Variants in SLC44A5 observed in about 807,000 individuals in gnomAD.
The protein encoded by SLC44A5 is choline transporter-like protein 5.
In SLC44A5, 57 loss-of-function variants were observed where a neutral mutation model predicts 101.8. The ratio of observed to expected loss-of-function variants is 0.56; its 90% CI spans 0.45 to 0.70. The LOEUF (loss-of-function observed/expected upper bound fraction) is 0.70, where lower values mean the gene tolerates loss of function less well. Among genes scored for constraint, SLC44A5 ranks in the 30% least tolerant of loss-of-function variants. SLC44A5 has a pLI of 0.00. For synonymous variants in SLC44A5, 281 were observed against 290.9 expected, an observed-to-expected ratio of 0.97 and a Z score of 0.35; for missense variants, 737 against 853.1, an observed-to-expected ratio of 0.86 and a Z score of 1.70.
intron 2 of SLC44A5, among the ~76,000 whole-genome samples, chr1:75,515,824 A>T (rs959578375): frequency 1.3e-5 from 2 of 152,176 alleles, no homozygotes; most frequent in Admixed American, 6.5e-5. Flanking sequence ...TAGCTTGCTG[A>T]AGAACCTCTA....
chr1:75,344,504 G>T (rs935770549), intron 3 of SLC44A5, among the ~76,000 whole-genome samples: 16 of 152,136 alleles, frequency 1.1e-4, no homozygotes, highest in African/African-American at 3.6e-4. Flanking sequence ...AGATTAGCCT[G>T]GTTTATCTGG....
chr1:75,465,086 A>G (rs921075866), intron 2 of SLC44A5, among the ~76,000 whole-genome samples: 3 of 152,160 alleles, frequency 2.0e-5, no homozygotes, highest in Non-Finnish European at 4.4e-5. Context: ...CAGAATACAC[A>G]TTTTTTGTTC....
chr1:75,318,098 T>C (rs1655834184), intron 4 of SLC44A5, among the ~76,000 whole-genome samples: 1 of 152,132 alleles, frequency 6.6e-6, no homozygotes, highest in Non-Finnish European at 1.5e-5. Context: ...TCTATAGGGC[T>C]GAGCTCAGTG....
chr1:75,464,221 C>CAAAAAAAAAA (rs57630961), intron 2 of SLC44A5, among the ~76,000 whole-genome samples: 3 of 52,230 alleles, frequency 5.7e-5, no homozygotes, highest in South Asian at 7.5e-4. Context: ...GACTCTGTCT[C>CAAAAAAAAAA]AAAAAAAAAA....
chr1:75,634,133 T>A, the SLC44A5 span, among the ~76,000 whole-genome samples: 2 of 152,214 alleles, frequency 1.3e-5, no homozygotes, highest in Non-Finnish European at 2.9e-5. Flanking sequence ...CAGTATTTTA[T>A]GGAGTATTTT....
At chr1:75,308,325 G>A (rs559296814) in intron 4 of SLC44A5, among the ~76,000 whole-genome samples, 1 of 151,830 alleles carries the variant, frequency 6.6e-6, no homozygotes, top group Non-Finnish European at 1.5e-5. Context: ...GGTTTCCATT[G>A]CCTTGAGAGA....
chr1:75,600,777 G>C (rs143917585), intron 1 of SLC44A5, among the ~76,000 whole-genome samples: 1 of 152,192 alleles, frequency 6.6e-6, no homozygotes, highest in African/African-American at 2.4e-5. Flanking sequence ...ATATAGCCTA[G>C]GAGTGGAGCA....
intron 4 of SLC44A5, among the ~76,000 whole-genome samples, chr1:75,326,894 G>A (rs1275424664): frequency 1.3e-5 from 2 of 152,106 alleles, no homozygotes; most frequent in Non-Finnish European, 2.9e-5. Flanking sequence ...TCCACCTATT[G>A]TAAGGGATAA....
chr1:75,687,076 C>G, the SLC44A5 span, among the ~76,000 whole-genome samples: 5 of 152,152 alleles, frequency 3.3e-5, no homozygotes, highest in Non-Finnish European at 7.4e-5. Context: ...TTTGAAAGAG[C>G]TACATAAGCT....
At chr1:75,683,396 C>G in the SLC44A5 span, among the ~76,000 whole-genome samples, 40 of 151,988 alleles carry the variant, frequency 2.6e-4, no homozygotes, top group Non-Finnish European at 4.4e-4. Context: ...GAAAATGTGG[C>G]ACATATACAC....
the SLC44A5 span, among the ~76,000 whole-genome samples, chr1:75,648,439 AAACTGGAAGT>A: frequency 6.6e-6 from 1 of 152,222 alleles, no homozygotes; most frequent in South Asian, 2.1e-4. Context: ...TAATGATAAT[AAACTGGAAGT>A]AACTTAGCAA....
At chr1:75,390,158 A>G (rs983543638) in intron 3 of SLC44A5, among the ~76,000 whole-genome samples, 5 of 152,134 alleles carry the variant, frequency 3.3e-5, no homozygotes, top group Admixed American at 6.5e-5. Context: ...AAATAGAGCC[A>G]GTAACAAAAA....
chr1:75,647,208 T>C, the SLC44A5 span, among the ~76,000 whole-genome samples: 1 of 152,224 alleles, frequency 6.6e-6, no homozygotes, highest in Non-Finnish European at 1.5e-5. Flanking sequence ...GCCCAGGCCA[T>C]TGCTTCAGAA....
At chr1:75,208,306 C>T (rs1019956030) in intron 23 of SLC44A5, among the ~76,000 whole-genome samples, 3 of 152,048 alleles carry the variant, frequency 2.0e-5, no homozygotes, top group East Asian at 1.9e-4. Context: ...TTATAGGTAC[C>T]TGCCACCATG....
chr1:75,634,230 C>G, the SLC44A5 span, among the ~76,000 whole-genome samples: 1 of 152,118 alleles, frequency 6.6e-6, no homozygotes, highest in Non-Finnish European at 1.5e-5. Context: ...ATGATGCTGG[C>G]CTCCTCAAAT....
At chr1:75,383,724 C>T (rs562631336) in intron 3 of SLC44A5, among the ~76,000 whole-genome samples, 250 of 152,134 alleles carry the variant, frequency 1.6e-3, no homozygotes, top group African/African-American at 5.6e-3. Context: ...AGATACTCCT[C>T]GAGAACAGCA....
chr1:75,221,863 G>A (rs1404830581), intron 14 of SLC44A5, among the ~76,000 whole-genome samples: 2 of 152,042 alleles, frequency 1.3e-5, no homozygotes, highest in Non-Finnish European at 2.9e-5. Context: ...GGATATTAAA[G>A]GACTTGTTAG....
intron 3 of SLC44A5, among the ~76,000 whole-genome samples, chr1:75,345,422 A>G (rs886779234): frequency 6.6e-6 from 1 of 152,156 alleles, no homozygotes; most frequent in African/African-American, 2.4e-5. Flanking sequence ...AATGGAGGGA[A>G]AAAAAGTTGG....
chr1:75,645,679 G>GT, the SLC44A5 span, among the ~76,000 whole-genome samples: 1 of 147,808 alleles, frequency 6.8e-6, no homozygotes, highest in African/African-American at 2.4e-5. Flanking sequence ...TGCTGTTGGT[G>GT]TTTTAGACAT....
Sources: gnomAD v4.1 joint callset for allele counts (sites outside exome capture counted in the v4.1 genomes callset) on GRCh38, gnomAD v4.1.1 for gene constraint, MANE v1.5 for transcripts, NCBI Gene and HGNC (gene_info 2026-07-23, HGNC 2026-07-21) for gene names.